The following C12orf42 variants were observed in gnomAD, a reference collection of about 807,000 sequenced individuals.
The protein encoded by C12orf42 is uncharacterized protein C12orf42.
C12orf42 carries 25 observed loss-of-function variants against 21.6 expected under a neutral mutation model. That is an observed-to-expected ratio of 1.16 (90% CI 0.84 to 1.62). The LOEUF (loss-of-function observed/expected upper bound fraction) is 1.62. C12orf42 is among the 40% of genes most tolerant of loss of function. The pLI is 0.00. For missense variants in C12orf42, 483 were observed against 459.3 expected (o/e 1.05, Z -0.47); for synonymous variants, 174 against 175.0 (o/e 0.99, Z 0.05).
chr12:103,437,206 G>A (rs1168672066), intron 2 of C12orf42, among the ~76,000 whole-genome samples: 1 of 152,058 alleles, frequency 6.6e-6, no homozygotes, highest in African/African-American at 2.4e-5. Context: ...TTTGAAACCA[G>A]CGAGAACAAA....
At chr12:103,135,710 T>C in the C12orf42 span, among the ~76,000 whole-genome samples, 1 of 152,090 alleles carries the variant, frequency 6.6e-6, no homozygotes, top group Non-Finnish European at 1.5e-5. Flanking sequence ...TAATAGACCA[T>C]GACCAAGGGG....
At chr12:103,114,607 C>T in the C12orf42 span, among the ~76,000 whole-genome samples, 1 of 152,166 alleles carries the variant, frequency 6.6e-6, no homozygotes, top group African/African-American at 2.4e-5. Flanking sequence ...AAGTTAGTTA[C>T]CTTCTCTGCC....
chr12:103,366,876 A>G (rs2044652860), intron 4 of C12orf42, among the ~76,000 whole-genome samples: 2 of 152,074 alleles, frequency 1.3e-5, no homozygotes, highest in Admixed American at 1.3e-4. Flanking sequence ...TGCAACCGCT[A>G]TGGAAAACAG....
At chr12:103,150,047 C>A in the C12orf42 span, among the ~76,000 whole-genome samples, 1 of 152,032 alleles carries the variant, frequency 6.6e-6, no homozygotes, top group Non-Finnish European at 1.5e-5. Flanking sequence ...CCAGTTAGCT[C>A]AAATCTAGGA....
chr12:103,123,599 A>G, the C12orf42 span, among the ~76,000 whole-genome samples: 1 of 152,178 alleles, frequency 6.6e-6, no homozygotes, highest in Admixed American at 6.6e-5. Flanking sequence ...ACGTTTCCCA[A>G]TATGGTAGCC....
chr12:103,371,758 G>A (rs997339242), intron 3 of C12orf42, among the ~76,000 whole-genome samples: 1 of 152,064 alleles, frequency 6.6e-6, no homozygotes, highest in Non-Finnish European at 1.5e-5. Context: ...AAATCATGTA[G>A]GCCCACATCC....
chr12:103,171,267 G>T, the C12orf42 span, among the ~76,000 whole-genome samples: 1 of 152,030 alleles, frequency 6.6e-6, no homozygotes. Flanking sequence ...AAACACCTCG[G>T]TATATACTTA....
the C12orf42 span, among the ~76,000 whole-genome samples, chr12:103,177,265 T>C: frequency 6.6e-6 from 1 of 152,182 alleles, no homozygotes; most frequent in Non-Finnish European, 1.5e-5. Flanking sequence ...GGCCCTTGGA[T>C]GTTCAGTGAT....
At chr12:103,340,003 G>T (rs2042034175) in intron 4 of C12orf42, among the ~76,000 whole-genome samples, 1 of 152,216 alleles carries the variant, frequency 6.6e-6, no homozygotes, top group Non-Finnish European at 1.5e-5. Context: ...AACCCAGAAA[G>T]ATGGGAGAAA....
the C12orf42 span, among the ~76,000 whole-genome samples, chr12:103,118,148 C>T: frequency 6.6e-6 from 1 of 152,170 alleles, no homozygotes; most frequent in East Asian, 1.9e-4. Flanking sequence ...ACTTTCCTTG[C>T]CACTACAATG....
intron 10 of C12orf42, among the ~76,000 whole-genome samples, chr12:103,250,833 G>A (rs960772634): frequency 6.6e-6 from 1 of 151,916 alleles, no homozygotes; most frequent in Non-Finnish European, 1.5e-5. Flanking sequence ...TTGAGTGTAA[G>A]TGTGTTCTTT....
At chr12:103,098,396 A>G in the C12orf42 span, among the ~76,000 whole-genome samples, 1,181 of 152,296 alleles carry the variant, frequency 7.8e-3, 15 homozygotes, top group African/African-American at 0.027. Context: ...CAGCTCTTAC[A>G]AACAAATGAC....
At chr12:103,063,405 G>C in the C12orf42 span, among the ~76,000 whole-genome samples, 1 of 152,136 alleles carries the variant, frequency 6.6e-6, no homozygotes, top group Non-Finnish European at 1.5e-5. Context: ...GATTGAAAAA[G>C]AATGGGACGT....
At chr12:103,482,277 C>T (rs12306466) in intron 1 of C12orf42, among the ~76,000 whole-genome samples, 31,929 of 151,930 alleles carry the variant, frequency 0.21, 3,857 homozygotes, top group East Asian at 0.36. Flanking sequence ...TGTTTGGAAA[C>T]GTCTTTATTT....
chr12:103,434,146 C>T (rs1024636159), intron 2 of C12orf42, among the ~76,000 whole-genome samples: 14 of 152,212 alleles, frequency 9.2e-5, no homozygotes, highest in African/African-American at 1.7e-4. Flanking sequence ...GAAACTCCTA[C>T]TCTGACTCTT....
intron 2 of C12orf42, among the ~76,000 whole-genome samples, chr12:103,436,127 C>A (rs1192774825): frequency 6.6e-6 from 1 of 151,698 alleles, no homozygotes; most frequent in East Asian, 1.9e-4. Context: ...ATTTTCAACC[C>A]AGAATTTCAT....
intron 5 of C12orf42, 31 bp downstream of exon 5, chr12:103,305,940 CAAG>C (rs2038251802): frequency 1.3e-6 from 2 of 1,563,326 alleles, no homozygotes; most frequent in Admixed American, 1.9e-5. Flanking sequence ...CCAGTTGAAA[CAAG>C]AAGAGTCAGT....
intron 2 of C12orf42, among the ~76,000 whole-genome samples, chr12:103,470,778 G>C (rs1953536869): frequency 6.6e-6 from 1 of 152,188 alleles, no homozygotes; most frequent in South Asian, 2.1e-4. Flanking sequence ...ACACCACAGA[G>C]AGAGACCCTG....
At chr12:103,526,403 T>C in the C12orf42 span, among the ~76,000 whole-genome samples, 8 of 152,192 alleles carry the variant, frequency 5.3e-5, no homozygotes, top group Non-Finnish European at 1.5e-5. Flanking sequence ...TTTTAGTTGA[T>C]AGAGTGAAAA....
Sources: allele counts gnomAD v4.1 joint callset (sites outside exome capture counted in the v4.1 genomes callset), GRCh38; gene constraint gnomAD v4.1.1; transcripts MANE v1.5; gene names NCBI Gene and HGNC (gene_info 2026-07-23, HGNC 2026-07-21).